MYO1E: variants seen among roughly 807,000 people sequenced by gnomAD.
MYO1E encodes the protein myosin IE.
Under a neutral mutation model 151.1 loss-of-function variants are expected in MYO1E, and 68 were observed. The observed-to-expected ratio is 0.45, with a 90% CI of 0.37 to 0.55. The LOEUF (loss-of-function observed/expected upper bound fraction) is 0.55, where lower values mean the gene tolerates loss of function less well. Ranked by LOEUF, MYO1E falls within the 20% of genes least tolerant of loss-of-function variation. MYO1E has a pLI of 0.00. For missense variants in MYO1E, 1,363 were observed against 1,389.3 expected (o/e 0.98, Z 0.30); for synonymous variants, 601 against 501.7 (o/e 1.20, Z -2.64).
At chr15:59,145,223 G>C (rs1411252339) in intron 26 of MYO1E, among the ~76,000 whole-genome samples, 1 of 152,178 alleles carries the variant, frequency 6.6e-6, no homozygotes, top group Non-Finnish European at 1.5e-5. Context: ...TCCCAGCCGA[G>C]GCAATTGGCT....
At chr15:59,163,052 T>A (rs1287515310) in intron 23 of MYO1E, 105 bp downstream of exon 23, 19 of 1,350,658 alleles carry the variant, frequency 1.4e-5, no homozygotes, top group Non-Finnish European at 2.0e-5. Context: ...CAGACCCCAC[T>A]CTTCTCCTCG....
At chr15:59,207,762 G>A (rs770926079) in intron 14 of MYO1E, 1 of 1,614,168 alleles carries the variant, frequency 6.2e-7, no homozygotes, top group Non-Finnish European at 8.5e-7. Context: ...AAGATCCTGA[G>A]CAATGGAAAA....
chr15:59,270,155 T>C (rs1187485683), intron 2 of MYO1E, among the ~76,000 whole-genome samples: 2 of 152,280 alleles, frequency 1.3e-5, no homozygotes. Context: ...TTCAAAATTG[T>C]GGAGTATAGA....
chr15:59,334,562 G>A (rs776461740), intron 1 of MYO1E, among the ~76,000 whole-genome samples: 1 of 151,912 alleles, frequency 6.6e-6, no homozygotes, highest in East Asian at 1.9e-4. Context: ...TTCCATTATG[G>A]TAACAGCATA....
At position 59,171,271 on chromosome 15, in the gene MYO1E, G is replaced by A. The variant is rs75344450; in HGVS notation, c.2480+626C>T. On this transcript the variant is annotated intron_variant, in intron 22 of 27. Transcript: ENST00000288235. ...AACCCCTAGCCTAGGTCCCACTGACGGAGGAGATGCTGACGGCCGGCAGAG... is the reference window on the plus strand; with the variant it reads ...AACCCCTAGCCTAGGTCCCACTGACAGAGGAGATGCTGACGGCCGGCAGAG... 9.5e-3 allele frequency: 1,531 copies of A among 160,806 alleles called. 33 individuals are homozygous for A. Among genetic ancestry groups the A allele is most frequent in the African/African-American group, 0.035 (1,443 of 41,592 alleles). The allele number at this position is 160,806 out of a possible 1,614,324, so 10.0% of individuals were successfully genotyped here. A position where few individuals can be genotyped will look rare whatever the true frequency, so the allele number is the denominator to read the frequency against.
intron 22 of MYO1E, 97 bp downstream of exon 22, chr15:59,171,800 G>T (rs2079596288): frequency 1.3e-6 from 2 of 1,500,636 alleles, no homozygotes; most frequent in Non-Finnish European, 9.2e-7. Context: ...TGACAGCTGG[G>T]AAGCCCAGCC....
intron 5 of MYO1E, among the ~76,000 whole-genome samples, chr15:59,232,928 G>A (rs917232626): frequency 5.3e-5 from 8 of 152,140 alleles, no homozygotes; most frequent in South Asian, 2.1e-4. Context: ...TCATTGTGAC[G>A]AGGGAATCAT....
intron 10 of MYO1E, among the ~76,000 whole-genome samples, chr15:59,215,698 C>T (rs1209916594): frequency 6.6e-6 from 1 of 152,178 alleles, no homozygotes; most frequent in Non-Finnish European, 1.5e-5. Context: ...ATACACAACA[C>T]ACAGTCAGTG....
intron 1 of MYO1E, among the ~76,000 whole-genome samples, chr15:59,297,991 T>G (rs1404524167): frequency 6.6e-6 from 1 of 152,214 alleles, no homozygotes; most frequent in Non-Finnish European, 1.5e-5. Context: ...CATTTTTGAC[T>G]AGAATTCTAG....
chr15:59,370,668 C>T (rs1035384794), intron 1 of MYO1E, among the ~76,000 whole-genome samples: 1 of 152,194 alleles, frequency 6.6e-6, no homozygotes, highest in Non-Finnish European at 1.5e-5. Flanking sequence ...ACTTCATCTG[C>T]AATGGGGCTG....
rs935236728 is a variant in MYO1E, at chr15:59,135,922, T to C, written c.*1458A>G. The C allele has an allele frequency of 6.6e-6, 1 of 152,242 alleles. No individual in the cohort carries two copies. Among genetic ancestry groups the C allele is most frequent in the Non-Finnish European group, 1.5e-5 (1 of 68,040 alleles). The allele number at this position is 152,242 out of a possible 1,614,324, so 9.4% of individuals were successfully genotyped here. A position where few individuals can be genotyped will look rare whatever the true frequency, so the allele number is the denominator to read the frequency against. ...TTTTCACTATTATGGCAAGAAAACA[T>C]TGTTTTAGTTTGTTAGGGCTGCCGT... On this transcript the variant is annotated 3_prime_UTR_variant, in exon 28 of 28. Transcript: ENST00000288235.
chr15:59,286,565 G>A (rs1378383840), intron 1 of MYO1E, among the ~76,000 whole-genome samples: 10 of 152,120 alleles, frequency 6.6e-5, no homozygotes, highest in Admixed American at 6.5e-4. Context: ...CTAAGCGGGG[G>A]AAGGGTCTGG....
At chr15:59,153,263 A>T (rs2079491916) in intron 26 of MYO1E, among the ~76,000 whole-genome samples, 1 of 152,224 alleles carries the variant, frequency 6.6e-6, no homozygotes, top group South Asian at 2.1e-4. Context: ...GACACAAATC[A>T]AAAGATCCAT....
chr15:59,163,862 T>G (rs1181553521), intron 22 of MYO1E, among the ~76,000 whole-genome samples: 2 of 152,224 alleles, frequency 1.3e-5, no homozygotes, highest in South Asian at 4.1e-4. Context: ...CAGGAGCTAC[T>G]AGAACGTACA....
intron 1 of MYO1E, among the ~76,000 whole-genome samples, chr15:59,335,529 C>T (rs2080722928): frequency 6.6e-6 from 1 of 152,098 alleles, no homozygotes; most frequent in Admixed American, 6.5e-5. Flanking sequence ...GGTTCTACCT[C>T]AAGGGCTGCT....
intron 26 of MYO1E, among the ~76,000 whole-genome samples, chr15:59,152,962 T>C (rs1210918044): frequency 7.9e-5 from 12 of 152,208 alleles, no homozygotes; most frequent in Admixed American, 7.2e-4. Flanking sequence ...TGGCTTTCAG[T>C]TGGCGCTAGT....
chr15:59,336,690 T>A (rs575702769), intron 1 of MYO1E, among the ~76,000 whole-genome samples: 1 of 152,254 alleles, frequency 6.6e-6, no homozygotes, highest in African/African-American at 2.4e-5. Flanking sequence ...CATGATGGTT[T>A]GCTGCATCCA....
chr15:59,201,911 G>A (rs768799973), intron 16 of MYO1E, among the ~76,000 whole-genome samples: 44 of 152,168 alleles, frequency 2.9e-4, no homozygotes, highest in Non-Finnish European at 4.9e-4. Flanking sequence ...GCCCCTAAAA[G>A]ACCAAGTAGA....
At chr15:59,297,087 C>A (rs1393686482) in intron 1 of MYO1E, among the ~76,000 whole-genome samples, 9 of 145,746 alleles carry the variant, frequency 6.2e-5, no homozygotes, top group African/African-American at 1.7e-4. Context: ...CTCCTGACCT[C>A]ATGATCCACT....
Sources: gnomAD v4.1 joint callset for allele counts (sites outside exome capture counted in the v4.1 genomes callset) on GRCh38, gnomAD v4.1.1 for gene constraint, MANE v1.5 for transcripts, NCBI Gene and HGNC (gene_info 2026-07-23, HGNC 2026-07-21) for gene names.